SEMA4D: variants seen among roughly 807,000 people sequenced by gnomAD.
SEMA4D encodes the protein semaphorin-4D.
A neutral mutation model predicts 74.8 loss-of-function variants in SEMA4D; 22 were observed. That is an observed-to-expected ratio of 0.29 (90% CI 0.21 to 0.42). The LOEUF (loss-of-function observed/expected upper bound fraction) is 0.42, where lower values mean the gene tolerates loss of function less well. Among genes scored for constraint, SEMA4D ranks in the 10% least tolerant of loss-of-function variants. The pLI, the probability that SEMA4D is intolerant of heterozygous loss-of-function variation, is 1.00. For missense variants in SEMA4D, 937 were observed against 1,118.4 expected (o/e 0.84, Z 2.31); for synonymous variants, 445 against 463.7 (o/e 0.96, Z 0.52).
intron 2 of SEMA4D, among the ~76,000 whole-genome samples, chr9:89,444,143 A>T (rs1852283930): frequency 6.6e-6 from 1 of 152,000 alleles, no homozygotes. Flanking sequence ...TTTAGAAATT[A>T]TACCTACCTA....
chr9:89,494,164 T>A (rs1825830278), intron 1 of SEMA4D, among the ~76,000 whole-genome samples: 1 of 152,192 alleles, frequency 6.6e-6, no homozygotes, highest in Non-Finnish European at 1.5e-5. Context: ...CAGAGGAAAG[T>A]ATATGACCTA....
At chr9:89,396,677 C>T in intron 6 of SEMA4D, 60 bp downstream of exon 6, 1 of 1,399,272 alleles carries the variant, frequency 7.1e-7, no homozygotes, top group Non-Finnish European at 1.0e-6. Context: ...TTTGAGCCCC[C>T]TTCTACTTTA....
At chr9:89,366,948 A>G (rs186540833) in intron 16 of SEMA4D, among the ~76,000 whole-genome samples, 1 of 152,290 alleles carries the variant, frequency 6.6e-6, no homozygotes, top group East Asian at 1.9e-4. Context: ...GGATTGGATT[A>G]ATCACCCAAC....
chr9:89,382,693 G>A (rs954874517), intron 13 of SEMA4D, among the ~76,000 whole-genome samples: 7 of 152,240 alleles, frequency 4.6e-5, no homozygotes, highest in African/African-American at 1.4e-4. Flanking sequence ...CGCGGCTTGT[G>A]GAGGTGGCGG....
chr9:89,484,142 GCGGCCACCC>G lies in SEMA4D; in HGVS notation c.-310+13768_-310+13776del, dbSNP rs1824951860. ...GAACTGGAGCCTTAAAGAGGACGCC[GCGGCCACCC>G]CGCCCTGCAGGCCCACCTGCAGCTG... On this transcript the variant is annotated intron_variant, in intron 1 of 15. Coordinates refer to ENST00000422704, the MANE Select transcript of SEMA4D (RefSeq NM_001371194.2). The surrounding 1 kb of genome is among the most constrained non-coding windows in gnomAD (Gnocchi z 4.1). Among the ~76,000 whole-genome samples, 1 of 152,226 alleles carries G rather than the reference GCGGCCACCC, an allele frequency of 6.6e-6. No homozygotes were observed. Among genetic ancestry groups the G allele is most frequent in the South Asian group, 2.1e-4 (1 of 4,834 alleles).
intron 2 of SEMA4D, among the ~76,000 whole-genome samples, chr9:89,411,976 T>C (rs1275276698): frequency 2.0e-5 from 3 of 152,190 alleles, no homozygotes; most frequent in Admixed American, 6.5e-5. Flanking sequence ...TCAGGCTGCC[T>C]TGCAGCCTTG....
At chr9:89,477,636 GATGTGTGTGTACTTATGCATGCACGC>G (rs1162501076) in intron 1 of SEMA4D, among the ~76,000 whole-genome samples, 1 of 152,172 alleles carries the variant, frequency 6.6e-6, no homozygotes, top group East Asian at 1.9e-4. Context: ...CCCCTCTATG[GATGTGTGTGTACTTATGCATGCACGC>G]ATGTGTGTGC....
chr9:89,461,403 G>A (rs920511022), intron 1 of SEMA4D, among the ~76,000 whole-genome samples: 2 of 152,114 alleles, frequency 1.3e-5, no homozygotes, highest in African/African-American at 2.4e-5. Flanking sequence ...AGAGAAGCAC[G>A]TCAATAGATA....
chr9:89,430,520 C>A (rs1021069247), intron 2 of SEMA4D, among the ~76,000 whole-genome samples: 1 of 152,200 alleles, frequency 6.6e-6, no homozygotes, highest in Non-Finnish European at 1.5e-5. Flanking sequence ...GGAAGAGGAC[C>A]AGCCACAGTT....
At chr9:89,366,099 A>AG (rs1833619909) in intron 16 of SEMA4D, among the ~76,000 whole-genome samples, 1 of 152,200 alleles carries the variant, frequency 6.6e-6, no homozygotes, top group Admixed American at 6.5e-5. Flanking sequence ...ATGTCCAAGA[A>AG]GGGGGCCACA....
At chr9:89,421,717 T>C (rs1327164016) in intron 2 of SEMA4D, among the ~76,000 whole-genome samples, 2 of 152,214 alleles carry the variant, frequency 1.3e-5, no homozygotes, top group Non-Finnish European at 2.9e-5. Context: ...GAAAGGGCGC[T>C]GTTCAGTAAA....
chr9:89,495,936 G>A (rs552093288), intron 1 of SEMA4D, among the ~76,000 whole-genome samples: 44 of 152,252 alleles, frequency 2.9e-4, no homozygotes, highest in African/African-American at 7.2e-4. Flanking sequence ...TGTCAGCAGC[G>A]GACGTTCCCT....
chr9:89,454,572 G>A (rs1298518749), intron 2 of SEMA4D, among the ~76,000 whole-genome samples: 1 of 152,218 alleles, frequency 6.6e-6, no homozygotes, highest in Admixed American at 6.5e-5. Flanking sequence ...ACGTAAACAA[G>A]CCGGAAACGA....
At chr9:89,364,701 A>G (rs1028216728) in intron 16 of SEMA4D, 10 of 152,692 alleles carry the variant, frequency 6.5e-5, no homozygotes, top group African/African-American at 2.4e-4. Flanking sequence ...GTTACTTCAC[A>G]CACACTCAGA....
chr9:89,477,383 C>T (rs931521290), intron 1 of SEMA4D, among the ~76,000 whole-genome samples: 1 of 152,180 alleles, frequency 6.6e-6, no homozygotes, highest in African/African-American at 2.4e-5. Flanking sequence ...CCACCATTCA[C>T]AGGGGCCATC....
intron 2 of SEMA4D, among the ~76,000 whole-genome samples, chr9:89,413,488 G>A (rs1270044694): frequency 1.3e-5 from 2 of 152,180 alleles, no homozygotes; most frequent in Non-Finnish European, 2.9e-5. Context: ...GCACGCATGT[G>A]CATCTGTATT....
At chr9:89,464,100 A>C (rs1858044712) in intron 1 of SEMA4D, among the ~76,000 whole-genome samples, 2 of 151,816 alleles carry the variant, frequency 1.3e-5, no homozygotes, top group East Asian at 3.8e-4. Context: ...TCAAAAATGG[A>C]GAGTGTGACT....
At chr9:89,374,735 G>A (rs1399724767), downstream of SEMA4D, among the ~76,000 whole-genome samples, 1 of 152,166 alleles carries the variant, frequency 6.6e-6, no homozygotes, top group Non-Finnish European at 1.5e-5. Flanking sequence ...GCTACAGGGG[G>A]TACACCTGGA....
At chr9:89,407,579 G>A (rs531965898) in intron 2 of SEMA4D, among the ~76,000 whole-genome samples, 76 of 152,272 alleles carry the variant, frequency 5.0e-4, no homozygotes, top group Non-Finnish European at 8.5e-4. Flanking sequence ...AAGTAGCAGT[G>A]GCCAAAGTCA....
Sources: allele counts gnomAD v4.1 joint callset (sites outside exome capture counted in the v4.1 genomes callset), GRCh38; gene constraint gnomAD v4.1.1; non-coding constraint Gnocchi (gnomAD v3.1); transcripts MANE v1.5; gene names NCBI Gene and HGNC (gene_info 2026-07-23, HGNC 2026-07-21).